The following MAP4 variants were observed in gnomAD, a reference collection of about 807,000 sequenced individuals.
MAP4 encodes the protein microtubule associated protein 4, also known as microtubule-associated protein 4.
A neutral mutation model predicts 170.2 loss-of-function variants in MAP4; 76 were observed. That is an observed-to-expected ratio of 0.45 (90% CI 0.37 to 0.54). The LOEUF (loss-of-function observed/expected upper bound fraction) is 0.54, where lower values mean the gene tolerates loss of function less well. Among genes scored for constraint, MAP4 ranks in the 20% least tolerant of loss-of-function variants. The pLI, the probability that MAP4 is intolerant of heterozygous loss-of-function variation, is 0.00. For synonymous variants in MAP4, 909 were observed against 994.5 expected (o/e 0.91, Z 1.62); for missense variants, 2,506 against 2,748.0 (o/e 0.91, Z 1.97).
At chr3:48,054,255 G>A (rs765967712) in intron 1 of MAP4, among the ~76,000 whole-genome samples, 3 of 151,692 alleles carry the variant, frequency 2.0e-5, no homozygotes, top group Non-Finnish European at 2.9e-5. Flanking sequence ...CCGAGATCGC[G>A]CCATTGCACT....
At chr3:48,053,531 TA>T (rs889822761) in intron 1 of MAP4, among the ~76,000 whole-genome samples, 41 of 152,284 alleles carry the variant, frequency 2.7e-4, no homozygotes, top group Middle Eastern at 3.4e-3. Context: ...TGAACACTTT[TA>T]TTTTTTTTAT....
chr3:47,874,330 G>A (rs938724395), intron 12 of MAP4, among the ~76,000 whole-genome samples: 3 of 152,114 alleles, frequency 2.0e-5, no homozygotes, highest in South Asian at 2.1e-4. Flanking sequence ...TTAGCCAGGC[G>A]TGGTGGCGGG....
intron 1 of MAP4, among the ~76,000 whole-genome samples, chr3:48,037,020 ATC>A (rs2100119075): frequency 6.6e-6 from 1 of 152,196 alleles, no homozygotes; most frequent in African/African-American, 2.4e-5. Flanking sequence ...CTCTCCCCAA[ATC>A]TCAACTACAC....
chr3:47,987,789 T>C (rs980386199), intron 2 of MAP4, among the ~76,000 whole-genome samples: 17 of 152,218 alleles, frequency 1.1e-4, no homozygotes, highest in Non-Finnish European at 2.9e-5. Context: ...CAAGGCCTTA[T>C]ACTTTAGGTA....
intron 9 of MAP4, among the ~76,000 whole-genome samples, chr3:47,908,492 G>A (rs762589550): frequency 4.6e-5 from 7 of 151,944 alleles, no homozygotes; most frequent in Admixed American, 2.0e-4. Context: ...CAAATAAATC[G>A]GTGCCTACCA....
upstream of MAP4, among the ~76,000 whole-genome samples, chr3:48,017,300 C>T (rs907203488): frequency 1.2e-4 from 19 of 152,238 alleles, no homozygotes; most frequent in East Asian, 3.9e-4. Context: ...ACAATGACTT[C>T]GCTGTACTTC....
Position 47,916,608 on chromosome 3 carries a change from C to A in MAP4, c.1219G>T (p.Ala407Ser). Residue 407 changes from alanine to serine, a missense_variant, in exon 7 of 21, where the codon GCC becomes TCC. Transcript: ENST00000683076. ...GPPKENKIVP[A>S]KDLVLLSEIE... is the part of the protein sequence containing the mutation. ...TCTGAGAGTAATACCAAATCCTTGG[C>A]TGGGACTATCTTGTTTTCTTTGGGT... 6.2e-7 allele frequency: 1 copy of A among 1,614,276 alleles called. No homozygotes were observed. The highest frequency in any genetic ancestry group is 8.5e-7 in the Non-Finnish European group (1 of 1,180,044).
chr3:47,987,519 C>G (rs1310866820), intron 2 of MAP4: 1 of 863,590 alleles, frequency 1.2e-6, no homozygotes, highest in Non-Finnish European at 1.7e-6. Flanking sequence ...AACAACAACT[C>G]TAGCAAAAGC....
intron 10 of MAP4, among the ~76,000 whole-genome samples, chr3:47,901,058 T>C (rs2100029712): frequency 6.6e-6 from 1 of 152,232 alleles, no homozygotes. Context: ...TGCATGCCTT[T>C]ACACAGCTGT....
chr3:48,051,755 T>C (rs1220565367), intron 1 of MAP4, among the ~76,000 whole-genome samples: 2 of 152,232 alleles, frequency 1.3e-5, no homozygotes, highest in Admixed American at 6.5e-5. Flanking sequence ...GAGGACATCA[T>C]ACTATTCCAG....
chr3:47,853,078 C>G, intron 20 of MAP4, 85 bp downstream of exon 20: 1 of 1,614,186 alleles, frequency 6.2e-7, no homozygotes, highest in Non-Finnish European at 8.5e-7. Context: ...ATTTAGGCCA[C>G]ACTCTAGTCA....
At position 47,973,541 on chromosome 3, in the gene MAP4, A is replaced by G. The variant is rs996282139; in HGVS notation, c.292+4324T>C. On this transcript the variant is annotated intron_variant, in intron 3 of 20. Transcript: ENST00000683076. ...TGGCTGTTAGTAGAAAATTTCAACA[A>G]TTCTGTAAGTTCAAAAAGGAAACAT... 7 of 984,890 alleles carry G rather than the reference A, an allele frequency of 7.1e-6. No individual in the cohort carries two copies. The Admixed American group carries it at 1.8e-4, about 26-fold the overall frequency. 61.0% of individuals were successfully genotyped at this position (984,890 alleles called of 1,614,324 possible). A position where few individuals can be genotyped will look rare whatever the true frequency, so the allele number is the denominator to read the frequency against.
rs1257931949 is a variant in MAP4, at chr3:47,916,076, G to GCCTCTGTTT, written c.1742_1750dup (p.Glu581_Glu583dup). 6.2e-7 allele frequency: 1 copy of GCCTCTGTTT among 1,614,212 alleles called. No homozygotes were observed. Reference sequence around the variant, plus strand: ...CATGTCTTTAATTGGAACTGGTGTTGCCTCTGTTTCTGAGAGTGGTGGAAC... The same window carrying GCCTCTGTTT: ...CATGTCTTTAATTGGAACTGGTGTTGCCTCTGTTTCCTCTGTTTCTGAGAGTGGTGGAAC... On this transcript the variant is annotated inframe_insertion, in exon 7 of 21. Transcript: ENST00000683076.
At chr3:47,881,317 G>A (rs1189632722) in intron 10 of MAP4, among the ~76,000 whole-genome samples, 2 of 150,548 alleles carry the variant, frequency 1.3e-5, no homozygotes, top group Non-Finnish European at 3.0e-5. Context: ...GGGGCATGGT[G>A]GTGTATGCCT....
chr3:47,948,250 ATAGG>A (rs1254145639), intron 3 of MAP4, among the ~76,000 whole-genome samples: 1 of 129,522 alleles, frequency 7.7e-6, no homozygotes, highest in Admixed American at 8.1e-5. Flanking sequence ...TTTTCTTGAG[ATAGG>A]TAGGGTCTCA....
At chr3:47,974,898 G>A (rs2100081082) in intron 3 of MAP4, 1 of 981,904 alleles carries the variant, frequency 1.0e-6, no homozygotes, top group Admixed American at 6.2e-5. Context: ...TAGTAAGGTG[G>A]AGAGAAACAT....
Position 48,004,387 on chromosome 3 carries a change from A to G in MAP4, c.-19-5508T>C, listed in dbSNP as rs937690090. ...GGTAAGGACTTTAGTGACTCTATAC[A>G]TAATACCTTTGACCATATGTGGAAA... On this transcript the variant is annotated intron_variant, in intron 1 of 20. Transcript: ENST00000683076. 8.5e-5 allele frequency among the ~76,000 whole-genome samples: 13 copies of G among 152,352 alleles called. No homozygotes were observed. The South Asian group carries it at 2.7e-3, about 32-fold the overall frequency.
intron 10 of MAP4, among the ~76,000 whole-genome samples, chr3:47,898,294 G>C (rs529512381): frequency 2.6e-5 from 4 of 152,168 alleles, no homozygotes; most frequent in South Asian, 2.1e-4. Context: ...ATGAGGTCAA[G>C]AGATCGAGAC....
intron 10 of MAP4, chr3:47,891,334 G>A (rs1255598476): frequency 6.5e-7 from 1 of 1,536,188 alleles, no homozygotes. Flanking sequence ...GTTCCTCACA[G>A]ATGAAAGGAG....
Sources: gnomAD v4.1 joint callset for allele counts (sites outside exome capture counted in the v4.1 genomes callset) on GRCh38, gnomAD v4.1.1 for gene constraint, MANE v1.5 for transcripts, NCBI Gene and HGNC (gene_info 2026-07-23, HGNC 2026-07-21) for gene names.